MAD1L1: variants seen among roughly 807,000 people sequenced by gnomAD.
The protein encoded by MAD1L1 is mitotic spindle assembly checkpoint protein MAD1.
A neutral mutation model predicts 96.9 loss-of-function variants in MAD1L1; 95 were observed. That is an observed-to-expected ratio of 0.98 (90% confidence interval 0.83 to 1.16). The LOEUF is 1.16. Ranked by LOEUF, MAD1L1 falls within the 50% of genes most tolerant of loss-of-function variation. The pLI is 0.00. For synonymous variants in MAD1L1, 473 were observed against 396.6 expected (o/e 1.19, Z -2.29); for missense variants, 1,007 against 954.4 (o/e 1.06, Z -0.73).
intron 18 of MAD1L1, among the ~76,000 whole-genome samples, chr7:1,891,885 A>G (rs964793160): frequency 1.3e-5 from 2 of 152,204 alleles, no homozygotes; most frequent in African/African-American, 4.8e-5. Context: ...CCAGCCATTC[A>G]TTTATTATTG....
intron 10 of MAD1L1, among the ~76,000 whole-genome samples, chr7:2,172,621 T>C (rs753158962): frequency 4.3e-4 from 66 of 152,218 alleles, no homozygotes; most frequent in Non-Finnish European, 7.2e-4. Flanking sequence ...CCGGCTCAAC[T>C]TCCCAGCAGC....
chr7:1,862,348 T>A (rs1343247025), intron 18 of MAD1L1, among the ~76,000 whole-genome samples: 1 of 152,228 alleles, frequency 6.6e-6, no homozygotes, highest in Non-Finnish European at 1.5e-5. Context: ...CAGTTTGAAC[T>A]GTGCCCTAGA....
intron 12 of MAD1L1, among the ~76,000 whole-genome samples, chr7:2,033,152 G>A (rs1783307913): frequency 6.6e-6 from 1 of 152,226 alleles, no homozygotes; most frequent in African/African-American, 2.4e-5. Flanking sequence ...CAGGCACCAC[G>A]TGCCAGGCCC....
chr7:2,047,984 A>G (rs1784004253), intron 12 of MAD1L1, among the ~76,000 whole-genome samples: 2 of 152,250 alleles, frequency 1.3e-5, no homozygotes, highest in African/African-American at 2.4e-5. Context: ...ACATGTGCAC[A>G]CAGAACTCAC....
At chr7:1,924,646 TCCCAGGGGAA>T (rs1312910151) in intron 17 of MAD1L1, among the ~76,000 whole-genome samples, 3 of 151,992 alleles carry the variant, frequency 2.0e-5, no homozygotes, top group Admixed American at 6.6e-5. Context: ...CCAGAAATGA[TCCCAGGGGAA>T]CCCAGGAACG....
chr7:1,847,774 C>T (rs1427268267), intron 18 of MAD1L1: 1 of 456,366 alleles, frequency 2.2e-6, no homozygotes, highest in South Asian at 1.6e-5. Context: ...GTGCTGTGTA[C>T]AAGAATGAAC....
intron 12 of MAD1L1, among the ~76,000 whole-genome samples, chr7:2,060,043 CGA>C (rs1431054585): frequency 3.9e-5 from 6 of 151,912 alleles, no homozygotes; most frequent in Non-Finnish European, 5.9e-5. Flanking sequence ...ACGCCGATGC[CGA>C]GATACACCGA....
At chr7:2,173,352 G>A (rs890072109) in intron 10 of MAD1L1, among the ~76,000 whole-genome samples, 9 of 152,048 alleles carry the variant, frequency 5.9e-5, no homozygotes, top group Non-Finnish European at 1.0e-4. Flanking sequence ...GCTGCCCCGC[G>A]TCTGGCTGAG....
At chr7:2,081,996 A>G (rs1785676812) in intron 11 of MAD1L1, among the ~76,000 whole-genome samples, 1 of 152,180 alleles carries the variant, frequency 6.6e-6, no homozygotes, top group Non-Finnish European at 1.5e-5. Flanking sequence ...ATTAGGAGAG[A>G]GGTTGGAGCC....
chr7:1,943,728 C>T (rs1181002484), intron 16 of MAD1L1, among the ~76,000 whole-genome samples: 1 of 147,166 alleles, frequency 6.8e-6, no homozygotes, highest in African/African-American at 2.5e-5. Context: ...GGCCCAGTCC[C>T]AGGCAGACCC....
rs1780515278 is a variant in MAD1L1, at chr7:1,973,909, C to T, written c.1505+6544G>A. On this transcript the variant is annotated intron_variant, in intron 15 of 18. Transcript: ENST00000265854. ...CCCTGCTGACCCTGCCCAGCACAGA[C>T]ACAGGAGCAGTGCCGGCTGCTGAAG... 2.0e-5 allele frequency among the ~76,000 whole-genome samples: 3 copies of T among 152,330 alleles called. No individual in the cohort carries two copies. The South Asian group carries it at 6.2e-4, about 32-fold the overall frequency.
At chr7:2,207,085 A>T (rs2114971000) in intron 10 of MAD1L1, among the ~76,000 whole-genome samples, 1 of 152,246 alleles carries the variant, frequency 6.6e-6, no homozygotes, top group East Asian at 1.9e-4. Flanking sequence ...CTCAAAAAAA[A>T]AAAAAAAAAA....
At chr7:1,914,722 TCCTGCCTCAG>T (rs1325460753) in intron 17 of MAD1L1, among the ~76,000 whole-genome samples, 1 of 152,226 alleles carries the variant, frequency 6.6e-6, no homozygotes, top group Non-Finnish European at 1.5e-5. Flanking sequence ...CAAGCCATTG[TCCTGCCTCAG>T]CCTCCAGAGT....
chr7:1,917,245 T>TG (rs1010908736), intron 17 of MAD1L1, among the ~76,000 whole-genome samples: 47 of 152,182 alleles, frequency 3.1e-4, no homozygotes, highest in African/African-American at 1.1e-3. Context: ...CGCCCTGCAC[T>TG]GCCAGCACAT....
At chr7:1,885,946 C>A (rs1325267076) in intron 18 of MAD1L1, among the ~76,000 whole-genome samples, 2 of 152,384 alleles carry the variant, frequency 1.3e-5, no homozygotes, top group Non-Finnish European at 2.9e-5. Flanking sequence ...ACACGCCTGG[C>A]TTCCCATTCT....
In MAD1L1 at chr7:2,069,190, T is replaced by G. The variant is rs369490527; in HGVS notation, c.1218+4A>C. 80 of 1,586,020 alleles carry G rather than the reference T, an allele frequency of 5.0e-5. No homozygotes were observed. The highest frequency in any genetic ancestry group is 6.4e-5 in the Non-Finnish European group (75 of 1,167,010). On this transcript the variant is annotated splice_donor_region_variant and intron_variant, in intron 12 of 18. Coordinates refer to ENST00000265854, the MANE Select transcript of MAD1L1 (RefSeq NM_001013836.2). ...TCTGATCAAGATGTAAGGGCATACA[T>G]CACCTTGGTGAGCAGCAGGACCCGT...
At chr7:2,121,979 G>C (rs1435341707) in intron 11 of MAD1L1, among the ~76,000 whole-genome samples, 1 of 152,182 alleles carries the variant, frequency 6.6e-6, no homozygotes, top group Non-Finnish European at 1.5e-5. Context: ...AAGACACTGG[G>C]GAAAAGACCC....
At chr7:2,106,463 G>T (rs527609732) in intron 11 of MAD1L1, among the ~76,000 whole-genome samples, 52 of 152,140 alleles carry the variant, frequency 3.4e-4, no homozygotes, top group African/African-American at 1.1e-3. Context: ...TGCGCTCCTG[G>T]AAACCTGTGC....
rs569668728 is a variant in MAD1L1 at position 2,162,223 on chromosome 7, C to T, written c.987-12985G>A. ...TGTAGAAAGAAGTAGACATGGGAGA[C>T]TCCATTTTGTTCTGTACTAAGAAAA... On this transcript the variant is annotated intron_variant, in intron 10 of 18. Coordinates refer to ENST00000265854, the MANE Select transcript of MAD1L1 (RefSeq NM_001013836.2). 1.4e-4 allele frequency among the ~76,000 whole-genome samples: 21 copies of T among 152,296 alleles called. 1 individual carries two copies. The South Asian group carries it at 4.4e-3, about 32-fold the overall frequency.
Sources: gnomAD v4.1 joint callset for allele counts (sites outside exome capture counted in the v4.1 genomes callset) on GRCh38, gnomAD v4.1.1 for gene constraint, MANE v1.5 for transcripts, NCBI Gene and HGNC (gene_info 2026-07-23, HGNC 2026-07-21) for gene names.